The following PTGER3 variants were observed in gnomAD, a reference collection of about 807,000 sequenced individuals.
PTGER3 encodes the protein prostaglandin E receptor 3.
PTGER3 carries 22 observed loss-of-function variants against 34.7 expected under a neutral mutation model. The observed-to-expected ratio is 0.63, with a 90% confidence interval of 0.45 to 0.91. The LOEUF is 0.91. Among genes scored for constraint, PTGER3 ranks in the 40% least tolerant of loss-of-function variants. The pLI is 0.00. For missense variants in PTGER3, 468 were observed against 519.4 expected, an observed-to-expected ratio of 0.90 and a Z score of 0.96; for synonymous variants, 241 against 230.1, an observed-to-expected ratio of 1.05 and a Z score of -0.43.
At chr1:70,939,028 C>T (rs1315135361) in intron 4 of PTGER3, among the ~76,000 whole-genome samples, 22 of 152,142 alleles carry the variant, frequency 1.4e-4, no homozygotes, top group Admixed American at 1.4e-3. Flanking sequence ...AATCCCTTCC[C>T]CCTGTGAGCC....
chr1:70,990,859 A>G (rs1024864540), intron 2 of PTGER3, among the ~76,000 whole-genome samples: 10 of 152,172 alleles, frequency 6.6e-5, no homozygotes, highest in African/African-American at 2.4e-4. Flanking sequence ...GGCAATAAAA[A>G]CACTAGATTA....
intron 2 of PTGER3, among the ~76,000 whole-genome samples, chr1:71,004,706 A>G (rs1238586459): frequency 2.0e-5 from 3 of 152,188 alleles, no homozygotes; most frequent in Non-Finnish European, 4.4e-5. Flanking sequence ...CCTTTTATCA[A>G]AAAGAGAATA....
intron 2 of PTGER3, among the ~76,000 whole-genome samples, chr1:70,963,092 G>A (rs1314572106): frequency 6.6e-6 from 1 of 152,206 alleles, no homozygotes; most frequent in Non-Finnish European, 1.5e-5. Flanking sequence ...GGCAGTCAAA[G>A]CTTAAAGCTC....
intron 4 of PTGER3, among the ~76,000 whole-genome samples, chr1:70,867,251 TAG>T (rs1646062494): frequency 6.6e-6 from 1 of 152,262 alleles, no homozygotes; most frequent in Non-Finnish European, 1.5e-5. Context: ...ATCATCCAGG[TAG>T]AGTTTTTCTC....
At chr1:71,010,403 CA>C in intron 2 of PTGER3, 1 of 984,494 alleles carries the variant, frequency 1.0e-6, no homozygotes, top group South Asian at 4.7e-5. Flanking sequence ...ACTGTCCTGG[CA>C]AACTTCTGCT....
chr1:71,010,311 A>G, intron 2 of PTGER3: 1 of 984,760 alleles, frequency 1.0e-6, no homozygotes, highest in Non-Finnish European at 1.2e-6. Flanking sequence ...TTAAATAATC[A>G]GAAATAATTC....
intron 4 of PTGER3, among the ~76,000 whole-genome samples, chr1:70,915,076 T>C (rs1473808381): frequency 2.0e-5 from 3 of 151,904 alleles, no homozygotes; most frequent in Admixed American, 6.6e-5. Context: ...TTGGGACTTC[T>C]TTTTATTCTA....
chr1:70,953,755 C>A (rs1226804413), intron 3 of PTGER3: 1 of 1,521,638 alleles, frequency 6.6e-7, no homozygotes, highest in Non-Finnish European at 8.8e-7. Flanking sequence ...ACTATCTTTG[C>A]AACTTACTTG....
At chr1:70,872,773 G>A (rs1439946896) in intron 4 of PTGER3, among the ~76,000 whole-genome samples, 2 of 152,164 alleles carry the variant, frequency 1.3e-5, no homozygotes, top group African/African-American at 4.8e-5. Flanking sequence ...AGTCACTACT[G>A]GGACTTGCCA....
At chr1:70,891,676 T>C (rs998673516) in intron 4 of PTGER3, among the ~76,000 whole-genome samples, 1 of 152,236 alleles carries the variant, frequency 6.6e-6, no homozygotes, top group African/African-American at 2.4e-5. Context: ...GCTGTGTTCT[T>C]GATACAGTCT....
At chr1:70,879,496 C>T (rs1646342427) in intron 4 of PTGER3, among the ~76,000 whole-genome samples, 1 of 152,186 alleles carries the variant, frequency 6.6e-6, no homozygotes, top group Admixed American at 6.5e-5. Flanking sequence ...GATCATCCCA[C>T]CTTGGCCTCC....
chr1:71,006,375 T>C (rs960410417), intron 2 of PTGER3: 64 of 985,278 alleles, frequency 6.5e-5, no homozygotes, highest in Non-Finnish European at 7.6e-5. Context: ...GTGACCTCAA[T>C]AAGTACATGA....
At chr1:70,989,888 C>T (rs1655270769) in intron 2 of PTGER3, among the ~76,000 whole-genome samples, 1 of 151,882 alleles carries the variant, frequency 6.6e-6, no homozygotes, top group African/African-American at 2.4e-5. Flanking sequence ...ATGGAACCTA[C>T]ACACACACAC....
chr1:70,908,688 T>TAGTA (rs1190682220), intron 4 of PTGER3, among the ~76,000 whole-genome samples: 1 of 152,216 alleles, frequency 6.6e-6, no homozygotes, highest in African/African-American at 2.4e-5. Flanking sequence ...TCTATAAGAA[T>TAGTA]AGTAAATGCA....
At chr1:70,972,346 TTAAAG>T (rs1306795096) in intron 3 of PTGER3, among the ~76,000 whole-genome samples, 1 of 152,128 alleles carries the variant, frequency 6.6e-6, no homozygotes, top group Non-Finnish European at 1.5e-5. Context: ...AATTCATTAA[TTAAAG>T]TATTCTGTTT....
chr1:70,930,300 C>T (rs930547032), intron 4 of PTGER3, among the ~76,000 whole-genome samples: 2 of 152,186 alleles, frequency 1.3e-5, no homozygotes, highest in Non-Finnish European at 2.9e-5. Flanking sequence ...TAACCACAAC[C>T]ACCTCAAAAA....
intron 2 of PTGER3, among the ~76,000 whole-genome samples, chr1:70,992,897 A>G (rs915225661): frequency 6.6e-6 from 1 of 152,232 alleles, no homozygotes; most frequent in Non-Finnish European, 1.5e-5. Context: ...TAATTTGAAT[A>G]CTATAGCAAC....
intron 1 of PTGER3, 24 bp from the exon 2 acceptor site, chr1:71,012,508 G>A (rs371859323): frequency 2.1e-5 from 34 of 1,596,554 alleles, no homozygotes; most frequent in Non-Finnish European, 2.6e-5. Context: ...ACAAATAATT[G>A]TTTCAAAGAT....
Position 70,983,284 on chromosome 1 carries a change from G to GAAAA in PTGER3, c.1078-8900_1078-8897dup, listed in dbSNP as rs3044618. Among the ~76,000 whole-genome samples the GAAAA allele has an allele frequency of 3.5e-3, 519 of 148,036 alleles. 2 individuals are homozygous for GAAAA. Among genetic ancestry groups the GAAAA allele is most frequent in the African/African-American group, 8.0e-3 (322 of 40,156 alleles). On this transcript the variant is annotated intron_variant, in intron 2 of 3. Transcript: ENST00000306666. ...TGTGCTTGAGTTTTTTAATTAATCT[G>GAAAA]AAAAAAAAAACAACGGAACTTTCTA... is the stretch of plus-strand genomic sequence containing the variant.
Sources: gnomAD v4.1 joint callset for allele counts (sites outside exome capture counted in the v4.1 genomes callset) on GRCh38, gnomAD v4.1.1 for gene constraint, MANE v1.5 for transcripts, NCBI Gene and HGNC (gene_info 2026-07-23, HGNC 2026-07-21) for gene names.